Variants in MAGI3 observed in about 807,000 individuals in gnomAD.
The protein encoded by MAGI3 is membrane associated guanylate kinase, WW and PDZ domain containing 3, also known as membrane-associated guanylate kinase, WW and PDZ domain-containing protein 3.
In MAGI3, 43 loss-of-function variants were observed where a neutral mutation model predicts 121.8. The observed-to-expected ratio is 0.35, with a 90% CI of 0.28 to 0.46. MAGI3 has a LOEUF of 0.46. Among genes scored for constraint, MAGI3 ranks in the 20% least tolerant of loss-of-function variants. The pLI is 1.00. For synonymous variants in MAGI3, 553 were observed against 639.3 expected (o/e 0.86, Z 2.04); for missense variants, 1,547 against 1,797.3 (o/e 0.86, Z 2.52).
chr1:113,517,624 G>A (rs1657992812), intron 1 of MAGI3, among the ~76,000 whole-genome samples: 1 of 151,710 alleles, frequency 6.6e-6, no homozygotes, highest in Admixed American at 6.6e-5. Flanking sequence ...TTCTCATTCT[G>A]GTAGCTGTCT....
At chr1:113,592,643 A>G (rs1570912347) in intron 5 of MAGI3, among the ~76,000 whole-genome samples, 1 of 152,194 alleles carries the variant, frequency 6.6e-6, no homozygotes, top group Non-Finnish European at 1.5e-5. Context: ...TTATTTCTCT[A>G]ATAGCATGAG....
intron 1 of MAGI3, among the ~76,000 whole-genome samples, chr1:113,404,729 A>G (rs1316372998): frequency 1.3e-5 from 2 of 152,130 alleles, no homozygotes; most frequent in East Asian, 3.9e-4. Context: ...GGGAGAAGAA[A>G]CTATGAGTGA....
In MAGI3 at chr1:113,463,543, G is replaced by T. The variant is rs115753638; in HGVS notation, c.316+72194G>T. ...GATCATTGACTTTTTTAAGAATAGG[G>T]ATCTTTGATGACCCTTAGGAGAGCT... On this transcript the variant is annotated intron_variant, in intron 1 of 20. Coordinates refer to ENST00000307546, the MANE Select transcript of MAGI3 (RefSeq NM_001142782.2). 3.5e-3 allele frequency among the ~76,000 whole-genome samples: 536 copies of T among 152,184 alleles called. 5 individuals are homozygous for T. Among genetic ancestry groups the T allele is most frequent in the African/African-American group, 0.012 (497 of 41,552 alleles).
At chr1:113,639,667 A>C (rs953580609) in intron 9 of MAGI3, among the ~76,000 whole-genome samples, 1 of 152,240 alleles carries the variant, frequency 6.6e-6, no homozygotes, top group South Asian at 2.1e-4. Context: ...TCCTGGGTTC[A>C]AGCAATTCTC....
intron 1 of MAGI3, among the ~76,000 whole-genome samples, chr1:113,459,579 A>T (rs1654930488): frequency 6.6e-6 from 1 of 152,234 alleles, no homozygotes; most frequent in Non-Finnish European, 1.5e-5. Context: ...CATCATCTGA[A>T]GATTCATAAC....
At chr1:113,512,708 A>G (rs1657679646) in intron 1 of MAGI3, among the ~76,000 whole-genome samples, 1 of 152,146 alleles carries the variant, frequency 6.6e-6, no homozygotes, top group African/African-American at 2.4e-5. Flanking sequence ...CCCTTTGAAA[A>G]CTGGCACAAG....
intron 16 of MAGI3, among the ~76,000 whole-genome samples, chr1:113,668,593 T>TC (rs386368122): frequency 1.7e-3 from 247 of 146,116 alleles, no homozygotes; most frequent in African/African-American, 5.9e-3. Context: ...TTTTTTTTTT[T>TC]GAGACGGAGT....
chr1:113,448,779 C>T (rs1004720381), intron 1 of MAGI3, among the ~76,000 whole-genome samples: 5 of 152,090 alleles, frequency 3.3e-5, no homozygotes, highest in Non-Finnish European at 5.9e-5. Context: ...CCACCATACC[C>T]GGCCCTCGAT....
chr1:113,513,469 G>A (rs1279215824), intron 1 of MAGI3, among the ~76,000 whole-genome samples: 1 of 152,044 alleles, frequency 6.6e-6, no homozygotes, highest in Non-Finnish European at 1.5e-5. Flanking sequence ...CAGAAATAAT[G>A]CCACCTATCT....
intron 1 of MAGI3, among the ~76,000 whole-genome samples, chr1:113,447,171 C>T (rs1654216101): frequency 6.6e-6 from 1 of 152,172 alleles, no homozygotes; most frequent in South Asian, 2.1e-4. Flanking sequence ...TATTTTACAA[C>T]TATGACAGTC....
At chr1:113,394,005 T>A (rs1487587506) in intron 1 of MAGI3, among the ~76,000 whole-genome samples, 6 of 152,218 alleles carry the variant, frequency 3.9e-5, no homozygotes, top group Admixed American at 6.5e-5. Context: ...TCATATTGTC[T>A]TCTGACAAAG....
intron 19 of MAGI3, 53 bp downstream of exon 19, chr1:113,673,518 C>T (rs1647688567): frequency 1.7e-5 from 26 of 1,544,168 alleles, no homozygotes; most frequent in Middle Eastern, 2.3e-4. Context: ...CTAGAAACTT[C>T]GAAAGATATT....
intron 1 of MAGI3, among the ~76,000 whole-genome samples, chr1:113,482,645 C>T (rs547488730): frequency 8.2e-6 from 1 of 122,212 alleles, no homozygotes; most frequent in Admixed American, 8.2e-5. Flanking sequence ...CCTCAACCTA[C>T]TTTTTTTTTT....
intron 17 of MAGI3, among the ~76,000 whole-genome samples, chr1:113,672,039 G>C (rs1448306741): frequency 6.6e-6 from 1 of 152,128 alleles, no homozygotes; most frequent in Admixed American, 6.5e-5. Context: ...CCCTCTTCCA[G>C]CCTCCATCCC....
intron 14 of MAGI3, among the ~76,000 whole-genome samples, chr1:113,651,595 C>T (rs1312957060): frequency 1.3e-5 from 2 of 152,028 alleles, no homozygotes; most frequent in Non-Finnish European, 1.5e-5. Context: ...TGGGTTCAAG[C>T]GATTCTCCTG....
chr1:113,487,364 C>G (rs912134080), intron 1 of MAGI3, among the ~76,000 whole-genome samples: 1 of 152,128 alleles, frequency 6.6e-6, no homozygotes. Context: ...AGGGTCTCTA[C>G]TATAATTTTC....
intron 1 of MAGI3, among the ~76,000 whole-genome samples, chr1:113,515,159 T>G (rs536656731): frequency 1.3e-5 from 2 of 151,880 alleles, no homozygotes; most frequent in South Asian, 4.2e-4. Context: ...GTAAAAATGG[T>G]AAAAAAAAAT....
At chr1:113,548,171 TAAAA>T (rs926540719) in intron 1 of MAGI3, among the ~76,000 whole-genome samples, 1 of 152,238 alleles carries the variant, frequency 6.6e-6, no homozygotes, top group Non-Finnish European at 1.5e-5. Context: ...TTGCTCTAAA[TAAAA>T]GAGTATACTT....
At chr1:113,440,495 C>T (rs1255863175) in intron 1 of MAGI3, among the ~76,000 whole-genome samples, 1 of 152,156 alleles carries the variant, frequency 6.6e-6, no homozygotes, top group African/African-American at 2.4e-5. Context: ...AGAAAAAACC[C>T]TTTCCAGATG....
Sources: allele counts gnomAD v4.1 joint callset (sites outside exome capture counted in the v4.1 genomes callset), GRCh38; gene constraint gnomAD v4.1.1; transcripts MANE v1.5; gene names NCBI Gene and HGNC (gene_info 2026-07-23, HGNC 2026-07-21).